Variants in ANKRD62 observed in about 807,000 individuals in gnomAD.
ANKRD62 encodes ankyrin repeat domain-containing protein 62.
A neutral mutation model predicts 98.8 loss-of-function variants in ANKRD62; 61 were observed. The observed-to-expected ratio is 0.62, with a 90% CI of 0.50 to 0.76. The LOEUF is 0.76. ANKRD62 is among the 30% of genes least tolerant of loss of function. The probability of loss-of-function intolerance (pLI) is 0.00; values close to 1 mark genes in which losing one functional copy is unlikely to be tolerated. For synonymous variants in ANKRD62, 341 were observed against 367.9 expected (o/e 0.93, Z 0.84); for missense variants, 933 against 1,082.9 (o/e 0.86, Z 1.94).
At chr18:12,096,334 AC>A (rs1250109018) in intron 4 of ANKRD62, 32 bp downstream of exon 4, 14 of 1,320,524 alleles carry the variant, frequency 1.1e-5, no homozygotes, top group Non-Finnish European at 1.1e-5. Context: ...TCATTTTTAA[AC>A]CTGAGTGGTG....
At chr18:12,122,225 A>T in intron 10 of ANKRD62, 78 bp from the exon 11 acceptor site, 2 of 1,049,650 alleles carry the variant, frequency 1.9e-6, no homozygotes, top group South Asian at 1.6e-5. Context: ...AATGAGTGCC[A>T]TGTTGAAATG....
the ANKRD62 span, among the ~76,000 whole-genome samples, chr18:12,175,074 C>G: frequency 5.3e-4 from 80 of 152,356 alleles, no homozygotes; most frequent in African/African-American, 1.9e-3. Context: ...TGGGCATTCA[C>G]CACAGTGGCA....
At chr18:12,104,740 G>T (rs765868257) in intron 7 of ANKRD62, among the ~76,000 whole-genome samples, 69 of 152,224 alleles carry the variant, frequency 4.5e-4, no homozygotes, top group Admixed American at 2.1e-3. Context: ...GTCAGGAAAA[G>T]ATGTATCTAG....
chr18:12,127,386 G>A (rs1281192407), intron 13 of ANKRD62, among the ~76,000 whole-genome samples: 1 of 152,152 alleles, frequency 6.6e-6, no homozygotes, highest in African/African-American at 2.4e-5. Context: ...GAACTCTGAG[G>A]TTGATTTGAG....
chr18:12,101,907 T>G lies in ANKRD62; in HGVS notation c.821-1251T>G. ...CCACCAATGGACTTACCCTGTTATT[T>G]CTTCCTTATTGTGAGTTGAATGGCA... On this transcript the variant is annotated intron_variant, in intron 6 of 13. Transcript: ENST00000587848. 4.0e-6 allele frequency: 3 copies of G among 750,418 alleles called. No individual in the cohort carries two copies. The South Asian group carries it at 4.2e-5, about 10-fold the overall frequency. The allele number at this position is 750,418 out of a possible 1,614,324, so 46.5% of individuals were successfully genotyped here.
At chr18:12,160,698 C>G in the ANKRD62 span, among the ~76,000 whole-genome samples, 1 of 152,088 alleles carries the variant, frequency 6.6e-6, no homozygotes, top group African/African-American at 2.4e-5. Context: ...AGGGTATTCC[C>G]CATTTACTTG....
intron 7 of ANKRD62, among the ~76,000 whole-genome samples, chr18:12,106,045 A>C (rs1327184675): frequency 6.6e-6 from 1 of 152,224 alleles, no homozygotes; most frequent in Non-Finnish European, 1.5e-5. Flanking sequence ...ATTCATGGGC[A>C]AAGGAATCTG....
In ANKRD62 at chr18:12,126,313, G is replaced by C. The variant is rs778638530; in HGVS notation, c.2492G>C (p.Gly831Ala). 1.3e-6 allele frequency: 2 copies of C among 1,532,864 alleles called. No homozygotes were observed. Among genetic ancestry groups the C allele is most frequent in the Non-Finnish European group, 1.7e-6 (2 of 1,145,942 alleles). 95.0% of individuals were successfully genotyped at this position (1,532,864 alleles called of 1,614,324 possible). The change falls in exon 13 of 14, where the codon GGG becomes GCG. Residue 831 changes from glycine (G) to alanine (A), a missense_variant. Physicochemically the swap from Gly to Ala is moderately conservative, Grantham distance 60. This residue lies in a region of ANKRD62 where 362 missense variants were observed against 434.5 expected (regional missense o/e 0.83). Transcript: ENST00000587848. Reference sequence around the variant, plus strand: ...AGAAAGCTAGAAGAGAACAATAAGGGGTTGATGAAGGAATGCACTCTTTTA... The same window carrying C: ...AGAAAGCTAGAAGAGAACAATAAGGCGTTGATGAAGGAATGCACTCTTTTA... Reference protein sequence around the residue: ...ECRKLEENNKGLMKECTLLKE... With the variant: ...ECRKLEENNKALMKECTLLKE...
At chr18:12,159,891 C>G in the ANKRD62 span, among the ~76,000 whole-genome samples, 1 of 151,886 alleles carries the variant, frequency 6.6e-6, no homozygotes, top group Non-Finnish European at 1.5e-5. Flanking sequence ...TTGTGTAGGT[C>G]TTTTTTAAGA....
In ANKRD62 at chr18:12,126,185, G is replaced by A; in HGVS notation, c.2364G>A (p.Gln788=). ...AAAGCCAAAATCTGTTGTATCAACAGCAGTGTAATGATGCTCGCAAGAAAG... is the reference window on the plus strand; with the variant it reads ...AAAGCCAAAATCTGTTGTATCAACAACAGTGTAATGATGCTCGCAAGAAAG... ...QLQSQNLLYQ[Q]QCNDARKKAD... is the part of the protein sequence containing the mutation. Residue 788 remains glutamine, a synonymous_variant, in exon 13 of 14, where the codon CAG becomes CAA. Transcript: ENST00000587848. The A allele has an allele frequency of 6.5e-7, 1 of 1,536,096 alleles. No homozygotes were observed.
the ANKRD62 span, among the ~76,000 whole-genome samples, chr18:12,153,135 T>A: frequency 2.3e-3 from 357 of 152,328 alleles, 2 homozygotes; most frequent in Admixed American, 0.021. Context: ...TACAAACTGC[T>A]GCTTAAAGAA....
chr18:12,170,066 T>A, the ANKRD62 span, among the ~76,000 whole-genome samples: 1 of 152,188 alleles, frequency 6.6e-6, no homozygotes, highest in Non-Finnish European at 1.5e-5. Flanking sequence ...TTTGTTGGTC[T>A]TTTCAAAAAA....
chr18:12,119,168 A>G (rs368658138), intron 10 of ANKRD62, among the ~76,000 whole-genome samples: 1 of 152,158 alleles, frequency 6.6e-6, no homozygotes, highest in African/African-American at 2.4e-5. Context: ...ATGTTTACAC[A>G]TAAAAATTAT....
rs917801796 is a variant in ANKRD62, at chr18:12,128,703, TTC to T, written c.*766_*767del. ...GAGAATCTATCTATTTTAATTATTTTTCTGTTTGTTTTAAAATTTTCTTCTGG... is the reference window on the plus strand; with the variant it reads ...GAGAATCTATCTATTTTAATTATTTTTGTTTGTTTTAAAATTTTCTTCTGG... On this transcript the variant is annotated 3_prime_UTR_variant, in exon 14 of 14. Transcript: ENST00000587848. 1.3e-5 allele frequency: 2 copies of T among 152,232 alleles called. No homozygotes were observed. The highest frequency in any genetic ancestry group is 2.9e-5 in the Non-Finnish European group (2 of 68,040). The allele number at this position is 152,232 out of a possible 1,614,324, so 9.4% of individuals were successfully genotyped here. A position where few individuals can be genotyped will look rare whatever the true frequency, so the allele number is the denominator to read the frequency against.
chr18:12,098,143 C>T (rs1909221956), intron 5 of ANKRD62, among the ~76,000 whole-genome samples: 2 of 152,144 alleles, frequency 1.3e-5, no homozygotes, highest in Admixed American at 1.3e-4. Flanking sequence ...TTACCCCAAG[C>T]CCCTTTATAT....
Position 12,115,089 on chromosome 18 carries a change from C to A in ANKRD62, c.1066C>A (p.Leu356Ile). The change falls in exon 9 of 14, where the codon CTT becomes ATT. Residue 356 changes from leucine to isoleucine, a missense_variant and splice_region_variant. Coordinates refer to ENST00000587848, the MANE Select transcript of ANKRD62 (RefSeq NM_001277333.2). ...GGAATTTTTTGGTTTTTTTTTTAGG[C>A]TTGCAAGGAAAACCTCTAATGAAAA... Reference protein sequence around the residue: ...PGKENGEFDRLARKTSNEKSK... With the variant: ...PGKENGEFDRIARKTSNEKSK... 2 of 1,382,836 alleles carry A rather than the reference C, an allele frequency of 1.4e-6. No homozygotes were observed. The highest frequency in any genetic ancestry group is 1.9e-5 in the South Asian group (1 of 51,520). 85.7% of individuals were successfully genotyped at this position (1,382,836 alleles called of 1,614,324 possible). A position where few individuals can be genotyped will look rare whatever the true frequency, so the allele number is the denominator to read the frequency against.
At chr18:12,102,476 T>G in intron 6 of ANKRD62, 1 of 420,224 alleles carries the variant, frequency 2.4e-6, no homozygotes. Context: ...CGCCATCTCA[T>G]TCCTGAAAAC....
Position 12,107,358 on chromosome 18 carries a change from G to C in ANKRD62, c.955G>C (p.Asp319His). The change falls in exon 8 of 14, where the codon GAT becomes CAT. Residue 319 changes from aspartate (D) to histidine (H), a missense_variant. Transcript: ENST00000587848. ...GGAAGTGTCAAGAAACGTACATGCT[G>C]ATGACAGTGACAATTATAATGATGA... Reference protein sequence around the residue: ...KMEVSRNVHADDSDNYNDDVD... With the variant: ...KMEVSRNVHAHDSDNYNDDVD... 6.6e-7 allele frequency: 1 copy of C among 1,519,320 alleles called. No homozygotes were observed. The highest frequency in any genetic ancestry group is 1.4e-5 in the African/African-American group (1 of 72,486). The allele number at this position is 1,519,320 out of a possible 1,614,324, so 94.1% of individuals were successfully genotyped here.
rs1193952328 is a variant in ANKRD62 at position 12,126,183 on chromosome 18, C to T, written c.2362C>T (p.Gln788Ter). The change falls in exon 13 of 14, where the codon CAG (glutamine) becomes TAG (stop). Residue 788 changes from glutamine (Q) to a stop codon, truncating the protein, a stop_gained. Coordinates refer to ENST00000587848, the MANE Select transcript of ANKRD62 (RefSeq NM_001277333.2). LOFTEE classifies it high-confidence loss of function. ...QLQSQNLLYQ[Q>*]QCNDARKKAD... ...ACAAAGCCAAAATCTGTTGTATCAA[C>T]AGCAGTGTAATGATGCTCGCAAGAA... 1 of 1,536,074 alleles carries T rather than the reference C, an allele frequency of 6.5e-7. No homozygotes were observed. Among genetic ancestry groups the T allele is most frequent in the Admixed American group, 2.0e-5 (1 of 50,998 alleles).
Sources: gnomAD v4.1 joint callset for allele counts (sites outside exome capture counted in the v4.1 genomes callset) on GRCh38, gnomAD v4.1.1 for gene constraint, gnomAD v4.1.1 regional missense constraint, MANE v1.5 for transcripts, NCBI Gene and HGNC (gene_info 2026-07-23, HGNC 2026-07-21) for gene names.